Variants in PLCB1 observed in about 807,000 individuals in gnomAD.
PLCB1 encodes 1-phosphatidylinositol 4,5-bisphosphate phosphodiesterase beta-1.
PLCB1 carries 46 observed loss-of-function variants against 161.8 expected under a neutral mutation model. The observed-to-expected ratio is 0.28, with a 90% CI of 0.22 to 0.36. The LOEUF is 0.36. PLCB1 is among the 10% of genes least tolerant of loss of function. The pLI is 1.00. For synonymous variants in PLCB1, 517 were observed against 503.7 expected (o/e 1.03, Z -0.35); for missense variants, 1,016 against 1,472.5 (o/e 0.69, Z 5.07).
At chr20:8,264,991 C>T (rs1264649684) in intron 2 of PLCB1, among the ~76,000 whole-genome samples, 1 of 152,070 alleles carries the variant, frequency 6.6e-6, no homozygotes, top group East Asian at 1.9e-4. Context: ...CCTTGAGAGT[C>T]CTATCCCTAT....
intron 3 of PLCB1, among the ~76,000 whole-genome samples, chr20:8,564,436 A>T (rs1284226557): frequency 6.6e-6 from 1 of 152,210 alleles, no homozygotes; most frequent in Non-Finnish European, 1.5e-5. Context: ...CAAAGACTTC[A>T]TGGCTAAAAC....
chr20:8,716,873 C>G (rs932451055), intron 13 of PLCB1, among the ~76,000 whole-genome samples: 1 of 152,188 alleles, frequency 6.6e-6, no homozygotes, highest in African/African-American at 2.4e-5. Flanking sequence ...CATTTTCCTT[C>G]CCGCACCCTT....
chr20:8,538,451 A>G (rs1448881286), intron 3 of PLCB1, among the ~76,000 whole-genome samples: 1 of 151,654 alleles, frequency 6.6e-6, no homozygotes, highest in Non-Finnish European at 1.5e-5. Context: ...GGCTCAAATG[A>G]TCCTCCCACC....
intron 9 of PLCB1, among the ~76,000 whole-genome samples, chr20:8,662,257 C>T (rs1271922545): frequency 1.4e-5 from 1 of 71,464 alleles, no homozygotes; most frequent in African/African-American, 6.3e-5. Flanking sequence ...TTATATAATT[C>T]TATACATAAG....
intron 2 of PLCB1, among the ~76,000 whole-genome samples, chr20:8,312,384 T>C (rs1984446514): frequency 6.6e-6 from 1 of 152,154 alleles, no homozygotes; most frequent in South Asian, 2.1e-4. Context: ...AAAACTGCAC[T>C]TTATTTATCT....
At chr20:8,426,554 G>C (rs1979782296) in intron 3 of PLCB1, among the ~76,000 whole-genome samples, 1 of 152,170 alleles carries the variant, frequency 6.6e-6, no homozygotes, top group Admixed American at 6.5e-5. Flanking sequence ...AAAGTGAGGA[G>C]ATGCAGGTCA....
At chr20:8,830,740 T>C (rs957725134) in intron 31 of PLCB1, among the ~76,000 whole-genome samples, 2 of 152,118 alleles carry the variant, frequency 1.3e-5, no homozygotes, top group Non-Finnish European at 2.9e-5. Flanking sequence ...GTACTAATTG[T>C]AGTAAAATCT....
At chr20:8,355,269 T>G (rs1167627871) in intron 2 of PLCB1, among the ~76,000 whole-genome samples, 1 of 152,066 alleles carries the variant, frequency 6.6e-6, no homozygotes, top group Non-Finnish European at 1.5e-5. Flanking sequence ...AGCCCCATAT[T>G]ATTTGGAGAT....
chr20:8,659,903 A>T (rs1217477864), intron 9 of PLCB1, among the ~76,000 whole-genome samples: 2 of 151,116 alleles, frequency 1.3e-5, no homozygotes, highest in Non-Finnish European at 2.9e-5. Context: ...GAGGTAGGAG[A>T]ATTGCTTTAA....
chr20:8,189,666 C>T (rs1185613772), intron 2 of PLCB1, among the ~76,000 whole-genome samples: 5 of 152,028 alleles, frequency 3.3e-5, no homozygotes, highest in Non-Finnish European at 2.9e-5. Context: ...CATTTATCAT[C>T]CAAATTGTCT....
intron 3 of PLCB1, among the ~76,000 whole-genome samples, chr20:8,441,193 G>A (rs964917627): frequency 6.6e-6 from 1 of 152,128 alleles, no homozygotes; most frequent in African/African-American, 2.4e-5. Flanking sequence ...AATATTCCAA[G>A]TAAAGTAGTA....
chr20:8,295,125 T>G (rs1479153926), intron 2 of PLCB1, among the ~76,000 whole-genome samples: 1 of 152,184 alleles, frequency 6.6e-6, no homozygotes, highest in Non-Finnish European at 1.5e-5. Context: ...CAGGACTACA[T>G]TTAACACAGA....
In PLCB1 at chr20:8,221,580, G is replaced by A. The variant is rs190146978; in HGVS notation, c.177+71209G>A. 2.6e-3 allele frequency among the ~76,000 whole-genome samples: 392 copies of A among 152,196 alleles called. 1 individual carries two copies. The highest frequency in any genetic ancestry group is 8.3e-3 in the African/African-American group (343 of 41,532). On this transcript the variant is annotated intron_variant, in intron 2 of 31. Coordinates refer to ENST00000338037, the MANE Select transcript of PLCB1 (RefSeq NM_015192.4). ...GCTCTTTGCCAGTGTGTTTAATTGA[G>A]AGATGAACACGTCAGATTCATCTCT...
At chr20:8,145,040 C>T (rs188290420) in intron 1 of PLCB1, among the ~76,000 whole-genome samples, 1 of 152,258 alleles carries the variant, frequency 6.6e-6, no homozygotes, top group Non-Finnish European at 1.5e-5. Flanking sequence ...TAGGGTTATG[C>T]TTTGTAGTAG....
intron 3 of PLCB1, among the ~76,000 whole-genome samples, chr20:8,626,732 T>A (rs1050933255): frequency 3.3e-5 from 5 of 152,202 alleles, no homozygotes; most frequent in African/African-American, 1.2e-4. Flanking sequence ...GAGAATGCTT[T>A]TTCTCTTCTG....
chr20:8,609,347 A>C (rs1031181210), intron 3 of PLCB1, among the ~76,000 whole-genome samples: 1 of 152,206 alleles, frequency 6.6e-6, no homozygotes, highest in African/African-American at 2.4e-5. Flanking sequence ...GAGCATCAGA[A>C]TGAGGAGATT....
intron 3 of PLCB1, among the ~76,000 whole-genome samples, chr20:8,388,074 T>C (rs969831285): frequency 4.0e-5 from 6 of 151,702 alleles, no homozygotes; most frequent in African/African-American, 1.5e-4. Context: ...CTAAAAAATA[T>C]TTCATGGAGG....
chr20:8,830,757 A>C (rs1216243318), intron 31 of PLCB1, among the ~76,000 whole-genome samples: 2 of 152,144 alleles, frequency 1.3e-5, no homozygotes, highest in African/African-American at 4.8e-5. Flanking sequence ...ATCTCTCTGA[A>C]GGCTGGCATC....
At chr20:8,188,933 A>C (rs2051935599) in intron 2 of PLCB1, among the ~76,000 whole-genome samples, 1 of 152,134 alleles carries the variant, frequency 6.6e-6, no homozygotes, top group Non-Finnish European at 1.5e-5. Flanking sequence ...ATATTTTGTA[A>C]GTGTTTCAGA....
Sources: gnomAD v4.1 joint callset for allele counts (sites outside exome capture counted in the v4.1 genomes callset) on GRCh38, gnomAD v4.1.1 for gene constraint, MANE v1.5 for transcripts, NCBI Gene and HGNC (gene_info 2026-07-23, HGNC 2026-07-21) for gene names.